The following ANKRD44 variants were observed in gnomAD, a reference collection of about 807,000 sequenced individuals.
ANKRD44 encodes the protein ankyrin repeat domain 44.
In ANKRD44, 35 loss-of-function variants were observed where a neutral mutation model predicts 116.0. The observed-to-expected ratio is 0.30, with a 90% CI of 0.23 to 0.40. The LOEUF (loss-of-function observed/expected upper bound fraction) is 0.40. ANKRD44 is among the 10% of genes least tolerant of loss of function. The pLI, the probability that ANKRD44 is intolerant of heterozygous loss-of-function variation, is 1.00. For synonymous variants in ANKRD44, 435 were observed against 461.8 expected, an observed-to-expected ratio of 0.94 and a Z score of 0.74; for missense variants, 1,014 against 1,242.6, an observed-to-expected ratio of 0.82 and a Z score of 2.77.
chr2:197,291,809 G>A lies in ANKRD44; in HGVS notation c.27+18769C>T, dbSNP rs996026355. ...ATTTACATTAGGTATTTCTCCAAAT[G>A]CTATCCCTCCCCCATCCCACCACCC... On this transcript the variant is annotated intron_variant, in intron 1 of 27. Transcript: ENST00000282272. Among the ~76,000 whole-genome samples the A allele has an allele frequency of 3.9e-5, 6 of 152,254 alleles. No homozygotes were observed. In the East Asian group the frequency reaches 1.2e-3, roughly 29 times the overall value.
At chr2:197,157,393 AGCCAGGCGCAGTGGCTCACGCCTGT>A (rs1193336416) in intron 2 of ANKRD44, among the ~76,000 whole-genome samples, 1 of 152,178 alleles carries the variant, frequency 6.6e-6, no homozygotes, top group Non-Finnish European at 1.5e-5. Flanking sequence ...AGGCACAACC[AGCCAGGCGCAGTGGCTCACGCCTGT>A]AATCCCAGCA....
chr2:197,106,937 T>C (rs1182832495), intron 9 of ANKRD44, among the ~76,000 whole-genome samples: 1 of 152,006 alleles, frequency 6.6e-6, no homozygotes, highest in African/African-American at 2.4e-5. Context: ...TTACAATTAC[T>C]CCACAAACCT....
intron 21 of ANKRD44, among the ~76,000 whole-genome samples, chr2:196,974,348 G>T (rs2075741593): frequency 6.6e-6 from 1 of 152,054 alleles, no homozygotes; most frequent in South Asian, 2.1e-4. Flanking sequence ...CTCCCAAAGT[G>T]CTGGGATTAC....
At chr2:196,995,278 G>T in intron 26 of ANKRD44, 101 bp downstream of exon 26, 1 of 728,916 alleles carries the variant, frequency 1.4e-6, no homozygotes. Flanking sequence ...TTTCACCACT[G>T]TGCTCCCCAG....
intron 13 of ANKRD44, among the ~76,000 whole-genome samples, chr2:197,084,227 T>C (rs1361737919): frequency 6.6e-6 from 1 of 152,160 alleles, no homozygotes. Context: ...ATAACCAAAC[T>C]GGATGACTTG....
rs1440337422 is a variant in ANKRD44, at chr2:196,989,843, CTGA to C, written c.2924-197_2924-195del. 1.1e-5 allele frequency: 14 copies of C among 1,276,108 alleles called. No individual in the cohort carries two copies. In the African/African-American group the frequency reaches 1.8e-4, roughly 17 times the overall value. 79.0% of individuals were successfully genotyped at this position (1,276,108 alleles called of 1,614,324 possible). ...CTCATTTTACTACTGATGAACAATGCTGATGATTCTGATGTTTTTTAAAAGTTA... is the reference window on the plus strand; with the variant it reads ...CTCATTTTACTACTGATGAACAATGCTGATTCTGATGTTTTTTAAAAGTTA... On this transcript the variant is annotated intron_variant, in intron 27 of 27. Transcript: ENST00000282272.
At chr2:197,057,142 G>A (rs1021689391) in intron 16 of ANKRD44, among the ~76,000 whole-genome samples, 3 of 152,126 alleles carry the variant, frequency 2.0e-5, no homozygotes, top group South Asian at 2.1e-4. Context: ...CAGATATTTT[G>A]CAGATGTTCT....
In ANKRD44 at chr2:197,055,163, G is replaced by A. The variant is rs1292791434; in HGVS notation, c.1650+23540C>T. ...ATGGAACACTAACACACACATTGTA[G>A]TTCTAATTTGCATTTCCTTGATGAC... On this transcript the variant is annotated intron_variant, in intron 16 of 27. Coordinates refer to ENST00000282272, the MANE Select transcript of ANKRD44 (RefSeq NM_001195144.2). Among the ~76,000 whole-genome samples, 9 of 152,168 alleles carry A rather than the reference G, an allele frequency of 5.9e-5. 1 individual carries two copies.
chr2:197,137,571 T>C (rs1480271328), intron 3 of ANKRD44, among the ~76,000 whole-genome samples: 1 of 152,240 alleles, frequency 6.6e-6, no homozygotes, highest in Non-Finnish European at 1.5e-5. Flanking sequence ...TTTAAGGCAC[T>C]GGCTAAAAGT....
intron 16 of ANKRD44, among the ~76,000 whole-genome samples, chr2:197,052,213 G>A (rs1454450805): frequency 2.0e-5 from 3 of 152,160 alleles, no homozygotes; most frequent in African/African-American, 7.2e-5. Context: ...CATCCTTCAC[G>A]TTTAATTTGA....
At chr2:197,007,609 A>G (rs912024334) in intron 20 of ANKRD44, among the ~76,000 whole-genome samples, 197 bp downstream of exon 20, 2 of 152,212 alleles carry the variant, frequency 1.3e-5, no homozygotes, top group African/African-American at 4.8e-5. Flanking sequence ...AAAACCTTCC[A>G]TTATTTTGCC....
At chr2:197,297,704 T>C (rs1224813620) in intron 1 of ANKRD44, among the ~76,000 whole-genome samples, 1 of 152,188 alleles carries the variant, frequency 6.6e-6, no homozygotes, top group Non-Finnish European at 1.5e-5. Context: ...TTTTTGGAAA[T>C]TGTTCGGTTA....
At chr2:197,194,846 G>C (rs1480084797) in intron 1 of ANKRD44, among the ~76,000 whole-genome samples, 1 of 152,150 alleles carries the variant, frequency 6.6e-6, no homozygotes, top group African/African-American at 2.4e-5. Flanking sequence ...AGTTGAGGGG[G>C]CTCCGCATGG....
At chr2:197,039,093 C>T (rs1371445925) in intron 16 of ANKRD44, among the ~76,000 whole-genome samples, 4 of 152,198 alleles carry the variant, frequency 2.6e-5, no homozygotes, top group Admixed American at 6.5e-5. Flanking sequence ...CTGGGTTAAG[C>T]AGAATCATAC....
At chr2:197,214,356 TA>T (rs952652535) in intron 1 of ANKRD44, among the ~76,000 whole-genome samples, 3 of 151,960 alleles carry the variant, frequency 2.0e-5, no homozygotes, top group African/African-American at 4.8e-5. Context: ...AGTGACAATT[TA>T]AAAAAAACAG....
intron 1 of ANKRD44, among the ~76,000 whole-genome samples, chr2:197,225,824 C>T (rs2081698643): frequency 6.6e-6 from 1 of 152,190 alleles, no homozygotes; most frequent in South Asian, 2.1e-4. Flanking sequence ...GTGGAAATTG[C>T]TGTTTACCTT....
chr2:197,029,492 C>T, intron 16 of ANKRD44: 1 of 457,522 alleles, frequency 2.2e-6, no homozygotes, highest in Non-Finnish European at 4.3e-6. Flanking sequence ...CAGCTTTATG[C>T]CTAGTGCCAT....
In ANKRD44 at chr2:197,191,373, T is replaced by C. The variant is rs76998515; in HGVS notation, c.28-4267A>G. Reference sequence around the variant, plus strand: ...CTGATGACACTTGACCCCTCTAAGATAGAAATGGGGAACAGAAAGACCCCT... The same window carrying C: ...CTGATGACACTTGACCCCTCTAAGACAGAAATGGGGAACAGAAAGACCCCT... On this transcript the variant is annotated intron_variant, in intron 1 of 27. Transcript: ENST00000282272. Among the ~76,000 whole-genome samples, 66 of 152,272 alleles carry C rather than the reference T, an allele frequency of 4.3e-4. 2 individuals carry two copies. In the East Asian group the frequency reaches 0.013, roughly 29 times the overall value.
At chr2:197,130,714 A>T (rs926497997) in intron 4 of ANKRD44, among the ~76,000 whole-genome samples, 2 of 152,228 alleles carry the variant, frequency 1.3e-5, no homozygotes, top group African/African-American at 4.8e-5. Context: ...TAAAGAAAAC[A>T]ATAACATTCT....
Sources: gnomAD v4.1 joint callset for allele counts (sites outside exome capture counted in the v4.1 genomes callset) on GRCh38, gnomAD v4.1.1 for gene constraint, MANE v1.5 for transcripts, NCBI Gene and HGNC (gene_info 2026-07-23, HGNC 2026-07-21) for gene names.